CSNK1G1: variants seen among roughly 807,000 people sequenced by gnomAD.
CSNK1G1 encodes casein kinase 1 gamma 1, also known as casein kinase I isoform gamma-1.
Under a neutral mutation model 59.6 loss-of-function variants are expected in CSNK1G1, and 22 were observed. The ratio of observed to expected loss-of-function variants is 0.37; its 90% confidence interval spans 0.26 to 0.53. The LOEUF is 0.53. Ranked by LOEUF, CSNK1G1 falls within the 20% of genes least tolerant of loss-of-function variation. The pLI is 0.89. For missense variants in CSNK1G1, 384 were observed against 519.5 expected (o/e 0.74, Z 2.54); for synonymous variants, 179 against 177.1 (o/e 1.01, Z -0.08).
Position 64,176,115 on chromosome 15 carries a change from A to T in CSNK1G1, c.1215-4130T>A, listed in dbSNP as rs891260540. ...TACAGGCCTGCCCCATCCCCACCTTATGGATCTAGATCCCCAGTCAGGGTG... is the reference window on the plus strand; with the variant it reads ...TACAGGCCTGCCCCATCCCCACCTTTTGGATCTAGATCCCCAGTCAGGGTG... On this transcript the variant is annotated intron_variant, in intron 11 of 11. Transcript: ENST00000303052. This position sits in a 1 kb window ranked among gnomAD's most constrained non-coding sequence, Gnocchi z 5.2. 12 of 397,050 alleles carry T rather than the reference A, an allele frequency of 3.0e-5. No individual in the cohort carries two copies. Among genetic ancestry groups the T allele is most frequent in the Non-Finnish European group, 3.1e-5 (7 of 225,558 alleles). The allele number at this position is 397,050 out of a possible 1,614,324, so 24.6% of individuals were successfully genotyped here. A position where few individuals can be genotyped will look rare whatever the true frequency, so the allele number is the denominator to read the frequency against.
At chr15:64,342,457 G>C (rs901586452) in intron 1 of CSNK1G1, 1 of 152,152 alleles carries the variant, frequency 6.6e-6, no homozygotes, top group Non-Finnish European at 1.5e-5. Context: ...ACATCCACTA[G>C]ATTATGTCTG....
chr15:64,326,827 C>T (rs1470387473), intron 1 of CSNK1G1, among the ~76,000 whole-genome samples: 2 of 147,004 alleles, frequency 1.4e-5, no homozygotes, highest in African/African-American at 2.7e-5. Flanking sequence ...GCACCGTGCG[C>T]GAGCCGAAGC....
At chr15:64,268,833 A>C (rs953591913) in intron 2 of CSNK1G1, among the ~76,000 whole-genome samples, 3 of 152,150 alleles carry the variant, frequency 2.0e-5, no homozygotes, top group African/African-American at 7.2e-5. Flanking sequence ...AACTGGGATA[A>C]GTGGGTTGGA....
At chr15:64,351,635 T>C (rs1898292775) in intron 1 of CSNK1G1, among the ~76,000 whole-genome samples, 1 of 152,184 alleles carries the variant, frequency 6.6e-6, no homozygotes, top group Non-Finnish European at 1.5e-5. Flanking sequence ...TCCCAGCACT[T>C]TGAGAGGCTG....
chr15:64,331,158 C>G (rs1007546261), intron 1 of CSNK1G1, among the ~76,000 whole-genome samples: 18 of 146,990 alleles, frequency 1.2e-4, no homozygotes, highest in Non-Finnish European at 2.4e-4. Flanking sequence ...ACTTTCTTCA[C>G]AGAATTGGAA....
At chr15:64,296,270 A>T (rs990430653) in intron 2 of CSNK1G1, among the ~76,000 whole-genome samples, 13 of 152,010 alleles carry the variant, frequency 8.6e-5, no homozygotes, top group Admixed American at 8.5e-4. Flanking sequence ...ACAGGTGCAT[A>T]CCACCACACC....
chr15:64,225,006 C>CTT (rs750533422), intron 4 of CSNK1G1, among the ~76,000 whole-genome samples: 6,787 of 121,782 alleles, frequency 0.056, 262 homozygotes, highest in South Asian at 0.072. Flanking sequence ...ATACACTTTT[C>CTT]TTTTTTTTTT....
At chr15:64,348,192 C>G (rs538704914) in intron 1 of CSNK1G1, among the ~76,000 whole-genome samples, 15 of 152,154 alleles carry the variant, frequency 9.9e-5, no homozygotes, top group African/African-American at 3.4e-4. Context: ...GTGAAGCACA[C>G]AGGATTTTTA....
At chr15:64,181,327 C>G in intron 10 of CSNK1G1, 1 of 1,536,114 alleles carries the variant, frequency 6.5e-7, no homozygotes, top group South Asian at 1.2e-5. Flanking sequence ...GCTTCTGCCA[C>G]CTGGTTTCAT....
intron 1 of CSNK1G1, among the ~76,000 whole-genome samples, chr15:64,332,580 C>T (rs1209580260): frequency 2.9e-3 from 413 of 143,816 alleles, no homozygotes; most frequent in African/African-American, 0.01. Flanking sequence ...TGCTAGATGA[C>T]GAGTTAGTGG....
chr15:64,268,921 T>C (rs562231439), intron 2 of CSNK1G1, among the ~76,000 whole-genome samples: 3 of 152,304 alleles, frequency 2.0e-5, no homozygotes, highest in African/African-American at 4.8e-5. Context: ...CAATCAACAA[T>C]GCAGTACAAA....
At chr15:64,186,573 G>A (rs1156850313) in intron 10 of CSNK1G1, among the ~76,000 whole-genome samples, 1 of 152,106 alleles carries the variant, frequency 6.6e-6, no homozygotes, top group Non-Finnish European at 1.5e-5. Context: ...GCAGTGGTAC[G>A]ATCATGGCTC....
At chr15:64,355,726 C>A (rs1898623835) in intron 1 of CSNK1G1, among the ~76,000 whole-genome samples, 1 of 152,142 alleles carries the variant, frequency 6.6e-6, no homozygotes. Flanking sequence ...CGGTCCACAC[C>A]GGCTAGAGTC....
At chr15:64,231,482 T>C (rs2082548813) in intron 4 of CSNK1G1, among the ~76,000 whole-genome samples, 1 of 150,462 alleles carries the variant, frequency 6.6e-6, no homozygotes, top group African/African-American at 2.4e-5. Context: ...TTAGGTGCTG[T>C]GCCTATCTTG....
chr15:64,204,373 C>T, intron 9 of CSNK1G1, 68 bp downstream of exon 9: 3 of 1,264,082 alleles, frequency 2.4e-6, no homozygotes, highest in Non-Finnish European at 3.2e-6. Context: ...CAAGTAAAGG[C>T]ATGAGGCAGT....
intron 10 of CSNK1G1, among the ~76,000 whole-genome samples, chr15:64,186,313 A>G (rs1250823455): frequency 2.0e-5 from 3 of 152,116 alleles, no homozygotes; most frequent in Admixed American, 2.0e-4. Flanking sequence ...GAGTTTCACC[A>G]TAGTGGCCAG....
intron 4 of CSNK1G1, among the ~76,000 whole-genome samples, chr15:64,237,324 G>A (rs1225003819): frequency 6.6e-6 from 1 of 152,112 alleles, no homozygotes; most frequent in Non-Finnish European, 1.5e-5. Context: ...TAGGAGTATA[G>A]GTAATACCTC....
At chr15:64,277,620 A>G (rs909252875) in intron 2 of CSNK1G1, among the ~76,000 whole-genome samples, 1 of 137,772 alleles carries the variant, frequency 7.3e-6, no homozygotes, top group Non-Finnish European at 1.6e-5. Flanking sequence ...ATATTGGTAT[A>G]TTTAATATAT....
chr15:64,186,894 G>A (rs1396721455), intron 10 of CSNK1G1, among the ~76,000 whole-genome samples: 1 of 152,020 alleles, frequency 6.6e-6, no homozygotes, highest in African/African-American at 2.4e-5. Flanking sequence ...CGTGATCTCG[G>A]CTCACTGCAA....
Sources: allele counts gnomAD v4.1 joint callset (sites outside exome capture counted in the v4.1 genomes callset), GRCh38; gene constraint gnomAD v4.1.1; non-coding constraint Gnocchi (gnomAD v3.1); transcripts MANE v1.5; gene names NCBI Gene and HGNC (gene_info 2026-07-23, HGNC 2026-07-21).